The following KCNK10 variants were observed in gnomAD, a reference collection of about 807,000 sequenced individuals.
KCNK10 encodes the protein potassium two pore domain channel subfamily K member 10.
A neutral mutation model predicts 47.7 loss-of-function variants in KCNK10; 25 were observed. The observed-to-expected ratio is 0.52, with a 90% confidence interval of 0.38 to 0.73. The LOEUF is 0.73. Ranked by LOEUF, KCNK10 falls within the 30% of genes least tolerant of loss-of-function variation. KCNK10 has a pLI of 0.00. For synonymous variants in KCNK10, 303 were observed against 285.6 expected (o/e 1.06, Z -0.61); for missense variants, 563 against 714.5 (o/e 0.79, Z 2.42).
chr14:88,306,345 T>C (rs1449568704), intron 1 of KCNK10, among the ~76,000 whole-genome samples: 1 of 152,238 alleles, frequency 6.6e-6, no homozygotes, highest in Non-Finnish European at 1.5e-5. Flanking sequence ...TTTATATAGG[T>C]TATTTTCCTC....
rs546698459 is a variant in KCNK10, at chr14:88,197,188, C to A, written c.682-4778G>T. Among the ~76,000 whole-genome samples the A allele has an allele frequency of 1.2e-4, 18 of 152,270 alleles. No homozygotes were observed. The South Asian group carries it at 3.5e-3, about 30-fold the overall frequency. On this transcript the variant is annotated intron_variant, in intron 4 of 6. Transcript: ENST00000319231. ...CCAGTTCAGTACTTTGCTGGTTTCA[C>A]TATGCAAAGTTCTTGAAAAAGATGT...
At chr14:88,205,784 C>T (rs981881259) in intron 4 of KCNK10, among the ~76,000 whole-genome samples, 36 of 152,112 alleles carry the variant, frequency 2.4e-4, no homozygotes, top group Non-Finnish European at 3.8e-4. Flanking sequence ...CCTCATGATC[C>T]GCCCACATTG....
At chr14:88,262,319 C>T (rs1242268140) in intron 2 of KCNK10, among the ~76,000 whole-genome samples, 2 of 152,202 alleles carry the variant, frequency 1.3e-5, no homozygotes, top group African/African-American at 2.4e-5. Context: ...AGGCAGCCTT[C>T]CTCCTTCACG....
chr14:88,237,805 G>A lies in KCNK10; in HGVS notation c.520+2898C>T, dbSNP rs1595097550. ...AGGCTTTGAAGTTCCATTTATAGAA[G>A]GCAAGCAGAATCCTTAAGGGCCTTA... On this transcript the variant is annotated intron_variant, in intron 3 of 6. Coordinates refer to ENST00000319231, the MANE Select transcript of KCNK10 (RefSeq NM_138317.3). Among the ~76,000 whole-genome samples the A allele has an allele frequency of 2.6e-5, 4 of 152,218 alleles. No individual in the cohort carries two copies. In the South Asian group the frequency reaches 8.3e-4, roughly 32 times the overall value.
chr14:88,315,819 A>T (rs1888420992), intron 1 of KCNK10, among the ~76,000 whole-genome samples: 1 of 152,014 alleles, frequency 6.6e-6, no homozygotes, highest in African/African-American at 2.4e-5. Context: ...GGGAGAAAGG[A>T]CCCTTTGCAC....
At chr14:88,194,702 G>T (rs776625965) in intron 4 of KCNK10, among the ~76,000 whole-genome samples, 3 of 152,112 alleles carry the variant, frequency 2.0e-5, no homozygotes, top group African/African-American at 7.2e-5. Context: ...AGGCTAGATC[G>T]TGGCATCTTA....
chr14:88,285,976 C>T (rs976897351), intron 1 of KCNK10, among the ~76,000 whole-genome samples: 1 of 152,172 alleles, frequency 6.6e-6, no homozygotes, highest in Admixed American at 6.5e-5. Context: ...AAAGACCACA[C>T]CGCTTCTGCC....
chr14:88,326,686 C>A (rs1053420282), upstream of KCNK10: 1 of 563,108 alleles, frequency 1.8e-6, no homozygotes, highest in African/African-American at 1.9e-5. Context: ...GCGCTGCTAC[C>A]GGGCACGGGT....
intron 2 of KCNK10, 108 bp downstream of exon 2, chr14:88,263,094 C>T: frequency 1.1e-6 from 1 of 872,484 alleles, no homozygotes; most frequent in Non-Finnish European, 1.7e-6. Context: ...ACTTCCCTGA[C>T]CACCAAGAGC....
In KCNK10 at chr14:88,185,218, T is replaced by C. The variant is rs1465467820; in HGVS notation, c.*317A>G. On this transcript the variant is annotated 3_prime_UTR_variant, in exon 7 of 7. Coordinates refer to ENST00000319231, the MANE Select transcript of KCNK10 (RefSeq NM_138317.3). This position sits in a 1 kb window ranked among gnomAD's most constrained non-coding sequence, Gnocchi z 4.3. ...GGTCTAAGGAATAGCTGCCCTTGTC[T>C]ACGTGTGTGCCCAGGTAGCACTGCC... 3 of 299,964 alleles carry C rather than the reference T, an allele frequency of 1.0e-5. No homozygotes were observed. The highest frequency in any genetic ancestry group is 1.9e-5 in the Non-Finnish European group (3 of 160,576). The allele number at this position is 299,964 out of a possible 1,614,324, so 18.6% of individuals were successfully genotyped here.
chr14:88,302,612 A>C (rs1326937241), intron 1 of KCNK10, among the ~76,000 whole-genome samples: 1 of 152,222 alleles, frequency 6.6e-6, no homozygotes, highest in Non-Finnish European at 1.5e-5. Flanking sequence ...TGGGAGGCTG[A>C]GGCAGGAAAA....
At chr14:88,190,162 C>T (rs1195538493) in intron 5 of KCNK10, among the ~76,000 whole-genome samples, 1 of 152,174 alleles carries the variant, frequency 6.6e-6, no homozygotes, top group Non-Finnish European at 1.5e-5. Flanking sequence ...ATCTCACTCC[C>T]AGGCCTCTGC....
At chr14:88,214,759 C>T (rs1490051623) in intron 4 of KCNK10, among the ~76,000 whole-genome samples, 2 of 152,168 alleles carry the variant, frequency 1.3e-5, no homozygotes, top group Admixed American at 6.5e-5. Flanking sequence ...CAATTCAACA[C>T]ACTGAGAGAG....
intron 4 of KCNK10, among the ~76,000 whole-genome samples, chr14:88,194,661 G>A (rs1287926690): frequency 2.0e-5 from 3 of 152,154 alleles, no homozygotes; most frequent in Non-Finnish European, 4.4e-5. Context: ...CGGTGGATTT[G>A]TTTGACGGCA....
rs1257748682 is a variant in KCNK10, at chr14:88,227,291, C to T, written c.681+84G>A. 1.3e-5 allele frequency: 14 copies of T among 1,070,310 alleles called. No homozygotes were observed. In the Admixed American group the frequency reaches 3.2e-4, roughly 24 times the overall value. 66.3% of individuals were successfully genotyped at this position (1,070,310 alleles called of 1,614,324 possible). ...ATTATTCCATTAAAAGCAGACAATG[C>T]CCCTGATACTGCCTCCTGGATCCTG... is the stretch of plus-strand genomic sequence containing the variant. On this transcript the variant is annotated intron_variant, in intron 4 of 6. Coordinates refer to ENST00000319231, the MANE Select transcript of KCNK10 (RefSeq NM_138317.3).
intron 1 of KCNK10, among the ~76,000 whole-genome samples, chr14:88,292,557 G>A (rs1255768064): frequency 6.6e-6 from 1 of 152,116 alleles, no homozygotes; most frequent in Non-Finnish European, 1.5e-5. Flanking sequence ...TACCATTTTG[G>A]CCAGGCAGGT....
intron 4 of KCNK10, among the ~76,000 whole-genome samples, chr14:88,218,838 C>A (rs4904435): frequency 6.6e-6 from 1 of 152,038 alleles, no homozygotes; most frequent in Non-Finnish European, 1.5e-5. Context: ...CAATGTCAGC[C>A]CTCCTTCATC....
intron 6 of KCNK10, among the ~76,000 whole-genome samples, chr14:88,187,451 T>C (rs934034465): frequency 1.3e-5 from 2 of 152,150 alleles, no homozygotes; most frequent in Non-Finnish European, 2.9e-5. Context: ...CAGGGATGTA[T>C]ATTTGTCTCT....
At chr14:88,319,199 C>T (rs1888491855) in intron 1 of KCNK10, among the ~76,000 whole-genome samples, 3 of 152,168 alleles carry the variant, frequency 2.0e-5, no homozygotes, top group Admixed American at 2.0e-4. Flanking sequence ...TTACCTACAC[C>T]TCTTGACAAT....
Sources: gnomAD v4.1 joint callset for allele counts (sites outside exome capture counted in the v4.1 genomes callset) on GRCh38, gnomAD v4.1.1 for gene constraint, Gnocchi (gnomAD v3.1) non-coding constraint, MANE v1.5 for transcripts, NCBI Gene and HGNC (gene_info 2026-07-23, HGNC 2026-07-21) for gene names.